The following FHIP1A variants were observed in gnomAD, a reference collection of about 807,000 sequenced individuals.
FHIP1A encodes the protein FHF complex subunit HOOK interacting protein 1A.
A neutral mutation model predicts 88.6 loss-of-function variants in FHIP1A; 61 were observed. The ratio of observed to expected loss-of-function variants is 0.69; its 90% CI spans 0.56 to 0.85. FHIP1A has a LOEUF of 0.85. Among genes scored for constraint, FHIP1A ranks in the 40% least tolerant of loss-of-function variants. The pLI is 0.00. For missense variants in FHIP1A, 1,154 were observed against 1,273.5 expected, an observed-to-expected ratio of 0.91 and a Z score of 1.43; for synonymous variants, 478 against 496.0, an observed-to-expected ratio of 0.96 and a Z score of 0.48.
Position 151,661,139 on chromosome 4 carries a change from C to T in FHIP1A, c.2870-1362C>T, listed in dbSNP as rs535179343. On this transcript the variant is annotated intron_variant, in intron 13 of 13. Coordinates refer to ENST00000435205, the MANE Select transcript of FHIP1A (RefSeq NM_001109977.3). ...CATGGTGTCCCAGTCCCCATTGGAA[C>T]GCAGGCCAGCTTCCTTTGTGAGCTT... Among the ~76,000 whole-genome samples the T allele has an allele frequency of 4.6e-5, 7 of 152,096 alleles. No homozygotes were observed. The South Asian group carries it at 8.3e-4, about 18-fold the overall frequency.
rs116838684 is a variant in FHIP1A, at chr4:151,565,725, A to G, written c.-122-413A>G. On this transcript the variant is annotated intron_variant, in intron 3 of 13. Transcript: ENST00000435205. ...TTTAAACTCTGCAAACACTGGTATCATAATAGTTTGGTGCAAAAATAATTG... is the reference window on the plus strand; with the variant it reads ...TTTAAACTCTGCAAACACTGGTATCGTAATAGTTTGGTGCAAAAATAATTG... 8.3e-3 allele frequency among the ~76,000 whole-genome samples: 1,267 copies of G among 152,098 alleles called. 20 individuals are homozygous for G. Among genetic ancestry groups the G allele is most frequent in the African/African-American group, 0.03 (1,227 of 41,506 alleles).
intron 1 of FHIP1A, among the ~76,000 whole-genome samples, chr4:151,423,935 C>T (rs1030922410): frequency 6.6e-6 from 1 of 152,174 alleles, no homozygotes; most frequent in Non-Finnish European, 1.5e-5. Context: ...TTCCTTTGGT[C>T]ACAAATTATA....
intron 3 of FHIP1A, among the ~76,000 whole-genome samples, chr4:151,522,741 T>C (rs1456097950): frequency 1.3e-5 from 2 of 152,262 alleles, no homozygotes; most frequent in African/African-American, 4.8e-5. Flanking sequence ...GTGTTGCTTG[T>C]ATAAAATCAA....
chr4:151,554,113 CT>C (rs1484236275), intron 3 of FHIP1A, among the ~76,000 whole-genome samples: 9 of 152,172 alleles, frequency 5.9e-5, no homozygotes, highest in African/African-American at 2.2e-4. Flanking sequence ...TGACCAGTCA[CT>C]TTTCTCTAGG....
At chr4:151,482,736 C>T (rs1476872087) in intron 3 of FHIP1A, 88 bp downstream of exon 3, 1 of 151,526 alleles carries the variant, frequency 6.6e-6, no homozygotes, top group Non-Finnish European at 1.5e-5. Flanking sequence ...AGCAAGTCTA[C>T]TTGAACTTAC....
intron 2 of FHIP1A, among the ~76,000 whole-genome samples, chr4:151,481,414 G>A (rs907863464): frequency 6.6e-6 from 1 of 151,954 alleles, no homozygotes; most frequent in African/African-American, 2.4e-5. Context: ...ACAGAATTGT[G>A]ATTAAGTAAA....
chr4:151,655,242 A>C (rs117742523), intron 11 of FHIP1A, among the ~76,000 whole-genome samples: 1 of 152,344 alleles, frequency 6.6e-6, no homozygotes, highest in East Asian at 1.9e-4. Flanking sequence ...GGGAAATGCA[A>C]AATTCTCATT....
chr4:151,656,650 C>G lies in FHIP1A; in HGVS notation c.2731-110C>G, dbSNP rs1737251673. 3 of 1,242,612 alleles carry G rather than the reference C, an allele frequency of 2.4e-6. No individual in the cohort carries two copies. The highest frequency in any genetic ancestry group is 3.3e-6 in the Non-Finnish European group (3 of 899,660). 77.0% of individuals were successfully genotyped at this position (1,242,612 alleles called of 1,614,324 possible). Reference sequence around the variant, plus strand: ...CAGGCAGTTAAAAATGAACAAATGTCTAACATCATAATAGTTCCCATAATG... The same window carrying G: ...CAGGCAGTTAAAAATGAACAAATGTGTAACATCATAATAGTTCCCATAATG... On this transcript the variant is annotated intron_variant, in intron 12 of 13. Coordinates refer to ENST00000435205, the MANE Select transcript of FHIP1A (RefSeq NM_001109977.3). The surrounding 1 kb of genome is among the most constrained non-coding windows in gnomAD (Gnocchi z 4.2).
At chr4:151,518,168 T>G (rs1731316884) in intron 3 of FHIP1A, among the ~76,000 whole-genome samples, 1 of 152,176 alleles carries the variant, frequency 6.6e-6, no homozygotes, top group African/African-American at 2.4e-5. Flanking sequence ...AGGTGTATGA[T>G]TTTTTATTTT....
At chr4:151,519,406 G>A (rs2126692376) in intron 3 of FHIP1A, among the ~76,000 whole-genome samples, 1 of 152,118 alleles carries the variant, frequency 6.6e-6, no homozygotes, top group East Asian at 1.9e-4. Context: ...TCAGGTTGTT[G>A]TGTTTTAGTA....
chr4:151,651,161 A>G (rs796382876), intron 11 of FHIP1A, among the ~76,000 whole-genome samples: 7 of 152,312 alleles, frequency 4.6e-5, no homozygotes, highest in African/African-American at 1.4e-4. Context: ...TCTTTATCCA[A>G]AAATAAGTGG....
intron 3 of FHIP1A, among the ~76,000 whole-genome samples, chr4:151,523,934 G>A (rs1172151849): frequency 6.6e-6 from 1 of 152,182 alleles, no homozygotes; most frequent in East Asian, 1.9e-4. Context: ...TACCTCTGCT[G>A]TGATGCCATC....
At chr4:151,469,478 C>A (rs528212731) in intron 2 of FHIP1A, among the ~76,000 whole-genome samples, 23 of 152,270 alleles carry the variant, frequency 1.5e-4, no homozygotes, top group African/African-American at 5.1e-4. Flanking sequence ...CAGGTGATGA[C>A]ACTAAGGCTT....
At chr4:151,421,983 C>A (rs1236240980) in intron 1 of FHIP1A, among the ~76,000 whole-genome samples, 1 of 151,978 alleles carries the variant, frequency 6.6e-6, no homozygotes, top group African/African-American at 2.4e-5. Flanking sequence ...TCTTGTTCTA[C>A]TAGGGGATGC....
At chr4:151,472,231 A>T (rs1257062300) in intron 2 of FHIP1A, among the ~76,000 whole-genome samples, 1 of 152,184 alleles carries the variant, frequency 6.6e-6, no homozygotes, top group Non-Finnish European at 1.5e-5. Context: ...TGATTTCAAA[A>T]TAGCTTTGCC....
At chr4:151,494,098 C>T (rs1730378761) in intron 3 of FHIP1A, among the ~76,000 whole-genome samples, 1 of 152,144 alleles carries the variant, frequency 6.6e-6, no homozygotes, top group Non-Finnish European at 1.5e-5. Context: ...CAAAAAGCTC[C>T]TTATAGATTC....
chr4:151,643,364 CATG>C (rs772725555), intron 9 of FHIP1A, among the ~76,000 whole-genome samples: 1 of 152,046 alleles, frequency 6.6e-6, no homozygotes. Flanking sequence ...TTGGGGTACA[CATG>C]ATATTTTGAT....
At chr4:151,638,508 A>T (rs1736448704) in intron 8 of FHIP1A, among the ~76,000 whole-genome samples, 169 bp from the exon 9 acceptor site, 1 of 151,816 alleles carries the variant, frequency 6.6e-6, no homozygotes. Context: ...CTATAGGAGA[A>T]TTGATATCCT....
At chr4:151,552,100 A>G (rs191829440) in intron 3 of FHIP1A, among the ~76,000 whole-genome samples, 1 of 152,370 alleles carries the variant, frequency 6.6e-6, no homozygotes, top group East Asian at 1.9e-4. Context: ...TGGTCATCTG[A>G]GAAATGCAAA....
Sources: gnomAD v4.1 joint callset for allele counts (sites outside exome capture counted in the v4.1 genomes callset) on GRCh38, gnomAD v4.1.1 for gene constraint, Gnocchi (gnomAD v3.1) non-coding constraint, MANE v1.5 for transcripts, NCBI Gene and HGNC (gene_info 2026-07-23, HGNC 2026-07-21) for gene names.